The following CDK15 variants were observed in gnomAD, a reference collection of about 807,000 sequenced individuals.
CDK15 encodes cyclin-dependent kinase 15.
A neutral mutation model predicts 60.3 loss-of-function variants in CDK15; 62 were observed. The ratio of observed to expected loss-of-function variants is 1.03; its 90% CI spans 0.84 to 1.27. CDK15 has a LOEUF of 1.27. Among genes scored for constraint, CDK15 ranks in the 50% most tolerant of loss-of-function variants. The pLI is 0.00. For missense variants in CDK15, 541 were observed against 527.8 expected (o/e 1.03, Z -0.25); for synonymous variants, 194 against 195.7 (o/e 0.99, Z 0.07).
intron 10 of CDK15, 29 bp downstream of exon 10, chr2:201,854,966 C>A: frequency 6.2e-7 from 1 of 1,605,034 alleles, no homozygotes; most frequent in Non-Finnish European, 8.5e-7. Flanking sequence ...TCTGAATACT[C>A]TGAGAATTAG....
At position 201,883,299 on chromosome 2, in the gene CDK15, C is replaced by G. The variant is rs148827303; in HGVS notation, c.1198+3132C>G. Among the ~76,000 whole-genome samples the G allele has an allele frequency of 1.6e-4, 25 of 152,236 alleles. No individual in the cohort carries two copies. The East Asian group carries it at 3.9e-3, about 24-fold the overall frequency. On this transcript the variant is annotated intron_variant, in intron 12 of 13. Coordinates refer to ENST00000652192, the MANE Select transcript of CDK15 (RefSeq NM_001366386.2). The stretch of plus-strand genomic sequence containing the variant: ...TGCCCTCTAAAGAAGACAATTAAAG[C>G]ATAAAGCCTGGGACTGGGAAATACG...
intron 8 of CDK15, among the ~76,000 whole-genome samples, chr2:201,836,744 C>G (rs954268825): frequency 2.0e-5 from 3 of 150,202 alleles, no homozygotes; most frequent in Non-Finnish European, 3.0e-5. Context: ...TGCATGCACA[C>G]ACATCTGCAT....
At chr2:201,855,008 G>C in intron 10 of CDK15, 71 bp downstream of exon 10, 1 of 1,412,022 alleles carries the variant, frequency 7.1e-7, no homozygotes, top group South Asian at 1.2e-5. Context: ...CACGCTAACA[G>C]GGCGTTCTTG....
intron 12 of CDK15, among the ~76,000 whole-genome samples, chr2:201,887,747 G>A (rs369722542): frequency 7.4e-4 from 113 of 152,322 alleles, no homozygotes; most frequent in African/African-American, 2.6e-3. Flanking sequence ...GCTTTAATCG[G>A]AAATGTATGT....
intron 9 of CDK15, among the ~76,000 whole-genome samples, chr2:201,850,492 C>T (rs1697860183): frequency 6.6e-6 from 1 of 152,154 alleles, no homozygotes; most frequent in African/African-American, 2.4e-5. Context: ...ATTTTCTAAC[C>T]TGCTTGAGAC....
intron 10 of CDK15, among the ~76,000 whole-genome samples, chr2:201,864,616 C>T (rs1453044072): frequency 4.6e-5 from 7 of 152,016 alleles, no homozygotes; most frequent in Non-Finnish European, 7.4e-5. Flanking sequence ...ACCGTGCCTG[C>T]CCTAGGGATG....
intron 2 of CDK15, 83 bp downstream of exon 2, chr2:201,807,726 C>T: frequency 6.3e-7 from 1 of 1,576,780 alleles, no homozygotes; most frequent in Non-Finnish European, 8.7e-7. Flanking sequence ...AGGGCAATTA[C>T]TGAGCGAGCC....
At chr2:201,886,737 A>G (rs531447201) in intron 12 of CDK15, among the ~76,000 whole-genome samples, 1 of 152,326 alleles carries the variant, frequency 6.6e-6, no homozygotes, top group East Asian at 1.9e-4. Flanking sequence ...ATAAAATAGC[A>G]ATTTATGCAA....
intron 8 of CDK15, among the ~76,000 whole-genome samples, chr2:201,841,383 A>G (rs1697373407): frequency 6.6e-6 from 1 of 152,198 alleles, no homozygotes; most frequent in South Asian, 2.1e-4. Context: ...TAAAACTAAA[A>G]ATGTAATGTA....
At chr2:201,848,504 A>C (rs1398938448) in intron 9 of CDK15, among the ~76,000 whole-genome samples, 1 of 152,008 alleles carries the variant, frequency 6.6e-6, no homozygotes, top group African/African-American at 2.4e-5. Context: ...CTTCTCTATC[A>C]TCCCTAAGGG....
chr2:201,852,640 G>A (rs1697962682), intron 9 of CDK15, among the ~76,000 whole-genome samples: 1 of 152,120 alleles, frequency 6.6e-6, no homozygotes, highest in African/African-American at 2.4e-5. Flanking sequence ...GACCACTGTG[G>A]TTTGAAACAT....
intron 10 of CDK15, among the ~76,000 whole-genome samples, chr2:201,864,674 TACA>T (rs549139183): frequency 9.8e-4 from 149 of 152,306 alleles, no homozygotes; most frequent in African/African-American, 3.4e-3. Flanking sequence ...GTGCCGGGAT[TACA>T]GGCATGAGCC....
chr2:201,821,254 G>C (rs547981862), intron 4 of CDK15, among the ~76,000 whole-genome samples: 5 of 152,130 alleles, frequency 3.3e-5, no homozygotes, highest in African/African-American at 7.2e-5. Flanking sequence ...CCAATCACTA[G>C]GGATAGGGGA....
intron 10 of CDK15, among the ~76,000 whole-genome samples, chr2:201,871,117 CA>C (rs1442216655): frequency 2.0e-5 from 3 of 152,078 alleles, no homozygotes; most frequent in Non-Finnish European, 4.4e-5. Context: ...CCACAAGTGA[CA>C]TATAAAATTA....
chr2:201,806,860 C>G, intron 1 of CDK15, 73 bp downstream of exon 1: 1 of 1,536,976 alleles, frequency 6.5e-7, no homozygotes, highest in Non-Finnish European at 8.8e-7. Flanking sequence ...CTTTTTGTAG[C>G]GGGATCTGAT....
chr2:201,881,951 G>A (rs1211974638), intron 12 of CDK15, among the ~76,000 whole-genome samples: 1 of 151,984 alleles, frequency 6.6e-6, no homozygotes, highest in Non-Finnish European at 1.5e-5. Flanking sequence ...TTTCCCCATT[G>A]GCCCTCCTTT....
chr2:201,889,335 C>T (rs962170371), intron 12 of CDK15: 1 of 985,274 alleles, frequency 1.0e-6, no homozygotes, highest in Non-Finnish European at 1.2e-6. Context: ...GTAAATTTTG[C>T]GGATGTGCTT....
At chr2:201,872,934 G>A (rs1438585292) in intron 11 of CDK15, among the ~76,000 whole-genome samples, 1 of 152,120 alleles carries the variant, frequency 6.6e-6, no homozygotes, top group African/African-American at 2.4e-5. Context: ...AATTAGCCGA[G>A]GCTCTGTTCT....
chr2:201,843,337 C>G (rs1355701946), intron 8 of CDK15, among the ~76,000 whole-genome samples: 1 of 152,086 alleles, frequency 6.6e-6, no homozygotes, highest in Non-Finnish European at 1.5e-5. Context: ...CAGGAACACA[C>G]CACCATACCC....
Sources: gnomAD v4.1 joint callset for allele counts (sites outside exome capture counted in the v4.1 genomes callset) on GRCh38, gnomAD v4.1.1 for gene constraint, MANE v1.5 for transcripts, NCBI Gene and HGNC (gene_info 2026-07-23, HGNC 2026-07-21) for gene names.